The following SPIDR variants were observed in gnomAD, a reference collection of about 807,000 sequenced individuals.
SPIDR encodes the protein DNA repair-scaffolding protein.
A neutral mutation model predicts 104.6 loss-of-function variants in SPIDR; 93 were observed. The observed-to-expected ratio is 0.89, with a 90% confidence interval of 0.75 to 1.06. The LOEUF (loss-of-function observed/expected upper bound fraction) is 1.06, where lower values mean the gene tolerates loss of function less well. Ranked by LOEUF, SPIDR falls within the 50% of genes least tolerant of loss-of-function variation. SPIDR has a pLI of 0.00. For synonymous variants in SPIDR, 431 were observed against 416.9 expected (o/e 1.03, Z -0.41); for missense variants, 1,154 against 1,111.2 (o/e 1.04, Z -0.55).
At chr8:47,423,617 T>A (rs1202713140) in intron 7 of SPIDR, among the ~76,000 whole-genome samples, 2 of 151,504 alleles carry the variant, frequency 1.3e-5, no homozygotes, top group South Asian at 2.1e-4. Context: ...AAAATAAAAA[T>A]AAAAAAATAA....
At chr8:47,597,689 T>A (rs1192472352) in intron 9 of SPIDR, among the ~76,000 whole-genome samples, 1 of 152,238 alleles carries the variant, frequency 6.6e-6, no homozygotes, top group Non-Finnish European at 1.5e-5. Flanking sequence ...TATTATCCCT[T>A]GGAATAAAAA....
At chr8:47,317,262 C>T (rs922105728) in intron 5 of SPIDR, among the ~76,000 whole-genome samples, 29 of 152,258 alleles carry the variant, frequency 1.9e-4, no homozygotes, top group East Asian at 1.7e-3. Context: ...CCTAATACTG[C>T]GCTTTTCCAA....
At chr8:47,526,661 T>C (rs2085036960) in intron 8 of SPIDR, among the ~76,000 whole-genome samples, 1 of 152,182 alleles carries the variant, frequency 6.6e-6, no homozygotes, top group Non-Finnish European at 1.5e-5. Context: ...ATGTGGCAAC[T>C]GAACATCCAG....
At chr8:47,462,404 G>A (rs924603896) in intron 8 of SPIDR, among the ~76,000 whole-genome samples, 1 of 152,240 alleles carries the variant, frequency 6.6e-6, no homozygotes, top group African/African-American at 2.4e-5. Flanking sequence ...TAGTTCTGGA[G>A]CCAAAGTTCA....
chr8:47,508,493 G>A (rs1472301500), intron 8 of SPIDR, among the ~76,000 whole-genome samples: 4 of 152,190 alleles, frequency 2.6e-5, no homozygotes, highest in Non-Finnish European at 5.9e-5. Context: ...GATGTGATAG[G>A]AGTCACCACC....
chr8:47,592,395 A>G lies in SPIDR; in HGVS notation c.1098-3416A>G, dbSNP rs1280272606. ...TAGGATGATAAATTTTGGTCATGAA[A>G]CATACTGTAGGGGCTGCCATTGAGT... On this transcript the variant is annotated intron_variant, in intron 8 of 19. Transcript: ENST00000297423. 3.6e-6 allele frequency: 5 copies of G among 1,400,466 alleles called. No homozygotes were observed. The Admixed American group carries it at 8.4e-5, about 24-fold the overall frequency. The allele number at this position is 1,400,466 out of a possible 1,614,324, so 86.8% of individuals were successfully genotyped here.
intron 10 of SPIDR, among the ~76,000 whole-genome samples, chr8:47,608,835 T>G (rs892190094): frequency 6.6e-6 from 1 of 152,248 alleles, no homozygotes; most frequent in Non-Finnish European, 1.5e-5. Flanking sequence ...GCGATTCTTC[T>G]GCCTCAGCCT....
intron 1 of SPIDR, among the ~76,000 whole-genome samples, chr8:47,273,021 C>G (rs890359599): frequency 3.9e-5 from 6 of 152,138 alleles, no homozygotes; most frequent in African/African-American, 1.2e-4. Flanking sequence ...ACACAGTACA[C>G]TTCTATGCCC....
At chr8:47,345,859 T>C (rs192897752) in intron 5 of SPIDR, among the ~76,000 whole-genome samples, 3 of 152,234 alleles carry the variant, frequency 2.0e-5, no homozygotes, top group Non-Finnish European at 2.9e-5. Flanking sequence ...TAAGGAGATT[T>C]GGGGTTGAGA....
intron 11 of SPIDR, among the ~76,000 whole-genome samples, chr8:47,690,340 G>A (rs2154479215): frequency 6.6e-6 from 1 of 152,140 alleles, no homozygotes; most frequent in South Asian, 2.1e-4. Flanking sequence ...TAGAACAGAA[G>A]TGTGTAAAGA....
chr8:47,349,520 T>C (rs1563703097), intron 5 of SPIDR, among the ~76,000 whole-genome samples: 1 of 152,200 alleles, frequency 6.6e-6, no homozygotes, highest in Non-Finnish European at 1.5e-5. Flanking sequence ...GACAGGGATG[T>C]TTAAGTCTGC....
chr8:47,438,672 C>T (rs1563974340), intron 7 of SPIDR, among the ~76,000 whole-genome samples: 1 of 152,194 alleles, frequency 6.6e-6, no homozygotes, highest in Non-Finnish European at 1.5e-5. Flanking sequence ...TGTGCTTATT[C>T]ATATCCTTCC....
At chr8:47,322,542 G>T (rs1415095764) in intron 5 of SPIDR, among the ~76,000 whole-genome samples, 2 of 152,154 alleles carry the variant, frequency 1.3e-5, no homozygotes, top group Admixed American at 6.5e-5. Context: ...ATTCCTCAGG[G>T]ATCTAGAACT....
intron 16 of SPIDR, among the ~76,000 whole-genome samples, chr8:47,715,964 C>CTTT (rs965625857): frequency 6.3e-5 from 8 of 127,084 alleles, no homozygotes; most frequent in Non-Finnish European, 1.0e-4. Flanking sequence ...TCTCTTTTTT[C>CTTT]TTTTTTTTTT....
intron 5 of SPIDR, among the ~76,000 whole-genome samples, chr8:47,328,207 T>C (rs1178161368): frequency 6.6e-6 from 1 of 152,006 alleles, no homozygotes; most frequent in Non-Finnish European, 1.5e-5. Flanking sequence ...ATTTAGGCCA[T>C]TGATGTATTT....
chr8:47,314,910 A>G (rs1441159396), intron 5 of SPIDR, among the ~76,000 whole-genome samples: 3 of 152,224 alleles, frequency 2.0e-5, no homozygotes, highest in African/African-American at 7.2e-5. Context: ...CATTTTAAAA[A>G]TAATGACACA....
chr8:47,345,075 C>G (rs1378979912), intron 5 of SPIDR, among the ~76,000 whole-genome samples: 6 of 152,136 alleles, frequency 3.9e-5, no homozygotes, highest in Non-Finnish European at 8.8e-5. Context: ...AGGTTTTCTT[C>G]TAGGGTTTTT....
At chr8:47,618,531 G>A (rs1448984858) in intron 10 of SPIDR, among the ~76,000 whole-genome samples, 1 of 152,016 alleles carries the variant, frequency 6.6e-6, no homozygotes, top group African/African-American at 2.4e-5. Flanking sequence ...TTGAAAACAT[G>A]TCAGTGCATA....
chr8:47,639,969 G>A (rs1443749212), intron 10 of SPIDR, among the ~76,000 whole-genome samples: 1 of 152,054 alleles, frequency 6.6e-6, no homozygotes, highest in Non-Finnish European at 1.5e-5. Context: ...ATTTTAAGTG[G>A]CTTTTAAGCA....
Sources: gnomAD v4.1 joint callset for allele counts (sites outside exome capture counted in the v4.1 genomes callset) on GRCh38, gnomAD v4.1.1 for gene constraint, MANE v1.5 for transcripts, NCBI Gene and HGNC (gene_info 2026-07-23, HGNC 2026-07-21) for gene names.